Variants in GNG7 observed in about 807,000 individuals in gnomAD.
GNG7 encodes guanine nucleotide-binding protein G(I)/G(S)/G(O) subunit gamma-7.
A neutral mutation model predicts 4.0 loss-of-function variants in GNG7; 1 was observed. That is an observed-to-expected ratio of 0.25 (90% CI 0.09 to 1.18). The LOEUF (loss-of-function observed/expected upper bound fraction) is 1.18, where lower values mean the gene tolerates loss of function less well. Among genes scored for constraint, GNG7 ranks in the 50% most tolerant of loss-of-function variants. The pLI, the probability that GNG7 is intolerant of heterozygous loss-of-function variation, is 0.50. For synonymous variants in GNG7, 34 were observed against 36.9 expected (o/e 0.92, Z 0.29); for missense variants, 86 against 91.9 (o/e 0.94, Z 0.26).
intron 3 of GNG7, among the ~76,000 whole-genome samples, chr19:2,548,561 T>C (rs113886338): frequency 0.052 from 7,262 of 140,536 alleles, 617 homozygotes; most frequent in African/African-American, 0.18. Flanking sequence ...GGCTGAGGTG[T>C]GTGGCTCACT....
At chr19:2,610,973 G>T (rs1050187371) in intron 2 of GNG7, 1 of 125,448 alleles carries the variant, frequency 8.0e-6, no homozygotes, top group Non-Finnish European at 1.7e-5. Flanking sequence ...GGGGCGGGTG[G>T]GAGGGGGGGA....
chr19:2,526,567 A>G (rs563080424), intron 3 of GNG7, among the ~76,000 whole-genome samples: 28 of 148,550 alleles, frequency 1.9e-4, no homozygotes, highest in African/African-American at 6.8e-4. Flanking sequence ...ATATTTGAAG[A>G]TTCATTCACT....
chr19:2,523,575 G>A (rs79237595), intron 3 of GNG7, among the ~76,000 whole-genome samples: 3,460 of 152,078 alleles, frequency 0.023, 144 homozygotes, highest in African/African-American at 0.08. Flanking sequence ...CCTCAACTAC[G>A]GTGATGAATC....
chr19:2,694,647 C>T (rs1381487495), intron 1 of GNG7, among the ~76,000 whole-genome samples: 2 of 152,132 alleles, frequency 1.3e-5, no homozygotes, highest in Non-Finnish European at 2.9e-5. Context: ...GGGCTCACCT[C>T]CTCTCTCCCT....
chr19:2,615,274 T>G (rs533833715), intron 2 of GNG7, among the ~76,000 whole-genome samples: 1 of 150,044 alleles, frequency 6.7e-6, no homozygotes, highest in Non-Finnish European at 1.5e-5. Context: ...CCATTCAGGC[T>G]CCCCCAGACC....
At chr19:2,559,592 G>A (rs879647068) in intron 2 of GNG7, among the ~76,000 whole-genome samples, 1 of 152,004 alleles carries the variant, frequency 6.6e-6, no homozygotes, top group Non-Finnish European at 1.5e-5. Context: ...TCGGCTCACT[G>A]CAACCTCCGC....
At chr19:2,571,169 C>T (rs559751703) in intron 2 of GNG7, among the ~76,000 whole-genome samples, 5 of 152,248 alleles carry the variant, frequency 3.3e-5, no homozygotes, top group African/African-American at 1.2e-4. Context: ...GCCTCTCGGA[C>T]TGTCACCGAT....
At chr19:2,523,324 C>T (rs997392489) in intron 3 of GNG7, among the ~76,000 whole-genome samples, 6 of 151,450 alleles carry the variant, frequency 4.0e-5, no homozygotes, top group Middle Eastern at 3.4e-3. Context: ...GGCTGAGATG[C>T]GAGGATCACT....
intron 2 of GNG7, among the ~76,000 whole-genome samples, chr19:2,608,221 G>A (rs1347321550): frequency 6.6e-6 from 1 of 152,090 alleles, no homozygotes; most frequent in Non-Finnish European, 1.5e-5. Context: ...CGTGGGTGGA[G>A]GAAAAGAGCG....
chr19:2,644,338 T>C (rs1166337893), intron 2 of GNG7, among the ~76,000 whole-genome samples: 3 of 7,992 alleles, frequency 3.8e-4, no homozygotes, highest in Non-Finnish European at 7.6e-4. Context: ...TATATATATA[T>C]ATATATATAT....
intron 1 of GNG7, among the ~76,000 whole-genome samples, chr19:2,690,050 G>A (rs796844759): frequency 2.4e-4 from 37 of 152,234 alleles, no homozygotes; most frequent in African/African-American, 8.7e-4. Context: ...TTGGCGGCGG[G>A]TAGAAGCAGG....
rs978983344 is a variant in GNG7 at position 2,614,985 on chromosome 19, C to T, written c.-78+31239G>A. Among the ~76,000 whole-genome samples, 28 of 152,280 alleles carry T rather than the reference C, an allele frequency of 1.8e-4. No homozygotes were observed. The highest frequency in any genetic ancestry group is 6.0e-4 in the African/African-American group (25 of 41,548). On this transcript the variant is annotated intron_variant, in intron 2 of 4. Transcript: ENST00000382159. The surrounding 1 kb of genome is among the most constrained non-coding windows in gnomAD (Gnocchi z 6.0). ...GGCAGCTGATTGTTGAAGGTCACCC[C>T]GTAGCCATTGGCAGAGCCAGAACTT...
chr19:2,592,348 C>T lies in GNG7; in HGVS notation c.-77-37160G>A, dbSNP rs554069274. 2.0e-5 allele frequency among the ~76,000 whole-genome samples: 3 copies of T among 152,170 alleles called. No homozygotes were observed. In the South Asian group the frequency reaches 6.2e-4, roughly 32 times the overall value. ...GTTGCTACATTAAAAAAAAATTGCTCCTTCTATCACAGCATTTTTATTTCT... is the reference window on the plus strand; with the variant it reads ...GTTGCTACATTAAAAAAAAATTGCTTCTTCTATCACAGCATTTTTATTTCT... On this transcript the variant is annotated intron_variant, in intron 2 of 4. Transcript: ENST00000382159.
Position 2,575,533 on chromosome 19 carries a change from G to A in GNG7, c.-77-20345C>T, listed in dbSNP as rs1451187770. ...GACATGCAGACACACGCAGGCACAC[G>A]CAGACAGGCAGGCACACGCAGACAC... On this transcript the variant is annotated intron_variant, in intron 2 of 4. Transcript: ENST00000382159. Among the ~76,000 whole-genome samples the A allele has an allele frequency of 1.0e-4, 14 of 140,216 alleles. No individual in the cohort carries two copies. The South Asian group carries it at 1.4e-3, about 14-fold the overall frequency. The allele number at this position is 140,216 out of a possible 152,430, so 92.0% of individuals were successfully genotyped here.
At chr19:2,530,868 G>T (rs1207255402) in intron 3 of GNG7, among the ~76,000 whole-genome samples, 5 of 152,168 alleles carry the variant, frequency 3.3e-5, no homozygotes, top group Non-Finnish European at 4.4e-5. Context: ...GGGTTGGGAG[G>T]GTTTGCTGAG....
chr19:2,680,058 AC>A (rs953128414), intron 1 of GNG7, among the ~76,000 whole-genome samples: 4 of 151,854 alleles, frequency 2.6e-5, no homozygotes, highest in African/African-American at 7.3e-5. Context: ...CACGCCTGTA[AC>A]CCCAGCATCT....
rs1982875682 is a variant in GNG7 at position 2,653,193 on chromosome 19, G to A, written c.-134-6913C>T. ...GGCATGCATCTTCTAGGGTTATTAA[G>A]GTGCTGGTTGTTATTTTTGCTTGTA... On this transcript the variant is annotated intron_variant, in intron 1 of 4. Coordinates refer to ENST00000382159, the MANE Select transcript of GNG7 (RefSeq NM_052847.3). The surrounding 1 kb of genome is among the most constrained non-coding windows in gnomAD (Gnocchi z 4.8). 6.6e-6 allele frequency among the ~76,000 whole-genome samples: 1 copy of A among 152,182 alleles called. No individual in the cohort carries two copies. The highest frequency in any genetic ancestry group is 1.5e-5 in the Non-Finnish European group (1 of 68,032).
intron 1 of GNG7, among the ~76,000 whole-genome samples, chr19:2,664,090 ATCC>A (rs1983243974): frequency 6.6e-6 from 1 of 152,200 alleles, no homozygotes; most frequent in South Asian, 2.1e-4. Flanking sequence ...TGACAGGCCT[ATCC>A]TCCACCGCCC....
rs114863896 is a variant in GNG7, at chr19:2,592,589, C to T, written c.-77-37401G>A. Reference sequence around the variant, plus strand: ...ATCTCTAGAAAAAATTTTTAAAAAGCATCCAGGTGTGCTGGTATGTGCCCA... The same window carrying T: ...ATCTCTAGAAAAAATTTTTAAAAAGTATCCAGGTGTGCTGGTATGTGCCCA... On this transcript the variant is annotated intron_variant, in intron 2 of 4. Coordinates refer to ENST00000382159, the MANE Select transcript of GNG7 (RefSeq NM_052847.3). Among the ~76,000 whole-genome samples the T allele has an allele frequency of 1.2e-3, 189 of 151,790 alleles. 2 individuals are homozygous for T. Among genetic ancestry groups the T allele is most frequent in the African/African-American group, 4.4e-3 (180 of 41,362 alleles).
Sources: allele counts gnomAD v4.1 joint callset (sites outside exome capture counted in the v4.1 genomes callset), GRCh38; gene constraint gnomAD v4.1.1; non-coding constraint Gnocchi (gnomAD v3.1); transcripts MANE v1.5; gene names NCBI Gene and HGNC (gene_info 2026-07-23, HGNC 2026-07-21).